TDRD12: variants seen among roughly 807,000 people sequenced by gnomAD.
The protein encoded by TDRD12 is putative ATP-dependent RNA helicase TDRD12.
In TDRD12, 158 loss-of-function variants were observed where a neutral mutation model predicts 133.5. That is an observed-to-expected ratio of 1.18 (90% CI 1.04 to 1.35). The LOEUF is 1.35. Ranked by LOEUF, TDRD12 falls within the 40% of genes most tolerant of loss-of-function variation. The pLI, the probability that TDRD12 is intolerant of heterozygous loss-of-function variation, is 0.00. For missense variants in TDRD12, 1,443 were observed against 1,321.3 expected, an observed-to-expected ratio of 1.09 and a Z score of -1.43; for synonymous variants, 460 against 477.9, an observed-to-expected ratio of 0.96 and a Z score of 0.49.
intron 11 of TDRD12, among the ~76,000 whole-genome samples, chr19:32,780,275 G>A (rs1055784561): frequency 1.3e-5 from 2 of 151,900 alleles, no homozygotes; most frequent in Non-Finnish European, 2.9e-5. Context: ...TAATAGAGAC[G>A]GGGTTTCGCC....
chr19:32,785,691 T>C (rs1476211910), intron 11 of TDRD12, among the ~76,000 whole-genome samples: 1 of 152,176 alleles, frequency 6.6e-6, no homozygotes, highest in Non-Finnish European at 1.5e-5. Flanking sequence ...ATGGCCTTCT[T>C]TATGTCTTTT....
At chr19:32,756,409 A>G (rs1313289042) in intron 7 of TDRD12, among the ~76,000 whole-genome samples, 1 of 151,546 alleles carries the variant, frequency 6.6e-6, no homozygotes, top group Non-Finnish European at 1.5e-5. Context: ...TTTTTTTGAG[A>G]CGGAGTCTCG....
intron 10 of TDRD12, among the ~76,000 whole-genome samples, chr19:32,775,658 CTTGTTT>C (rs1324925198): frequency 6.6e-6 from 1 of 151,450 alleles, no homozygotes; most frequent in Non-Finnish European, 1.5e-5. Context: ...TAAAATTTTC[CTTGTTT>C]TTTTTTTTCA....
intron 26 of TDRD12, 46 bp from the exon 27 acceptor site, chr19:32,818,043 G>A (rs1485285113): frequency 1.4e-6 from 1 of 702,176 alleles, no homozygotes; most frequent in East Asian, 2.7e-5. Flanking sequence ...AGGCTCCACA[G>A]ATGCACATGA....
chr19:32,769,630 A>G (rs1033529168), intron 8 of TDRD12, among the ~76,000 whole-genome samples: 12 of 148,410 alleles, frequency 8.1e-5, no homozygotes, highest in Non-Finnish European at 1.5e-4. Flanking sequence ...AGTCACATAC[A>G]TTAATTGTGA....
chr19:32,771,352 A>AT (rs1970438180), intron 8 of TDRD12, among the ~76,000 whole-genome samples: 1 of 151,968 alleles, frequency 6.6e-6, no homozygotes, highest in Non-Finnish European at 1.5e-5. Context: ...CATATCCAGG[A>AT]TTTCACCATG....
At chr19:32,761,947 G>C (rs574181084) in intron 8 of TDRD12, among the ~76,000 whole-genome samples, 1 of 152,022 alleles carries the variant, frequency 6.6e-6, no homozygotes, top group Non-Finnish European at 1.5e-5. Context: ...CAAATGATCC[G>C]ACTGCCTCGG....
At chr19:32,802,602 A>G (rs1971430819) in intron 19 of TDRD12, 54 bp from the exon 20 acceptor site, 1 of 1,514,100 alleles carries the variant, frequency 6.6e-7, no homozygotes, top group African/African-American at 1.4e-5. Flanking sequence ...CTGCCGGTTA[A>G]AGTAAGTGCG....
chr19:32,806,745 C>T (rs370122628), intron 21 of TDRD12, among the ~76,000 whole-genome samples: 4 of 152,132 alleles, frequency 2.6e-5, no homozygotes, highest in Non-Finnish European at 4.4e-5. Context: ...GCAACCTCTG[C>T]GTCCTGGGTT....
At chr19:32,770,052 G>T (rs1970404358) in intron 8 of TDRD12, among the ~76,000 whole-genome samples, 1 of 151,266 alleles carries the variant, frequency 6.6e-6, no homozygotes, top group Non-Finnish European at 1.5e-5. Context: ...GAGTGCAGTG[G>T]CTCACTGCAG....
intron 11 of TDRD12, among the ~76,000 whole-genome samples, chr19:32,783,391 G>A (rs187529986): frequency 3.6e-4 from 55 of 152,244 alleles, no homozygotes; most frequent in Non-Finnish European, 6.8e-4. Flanking sequence ...TTGAAGTCAG[G>A]TAGCGTGATG....
chr19:32,722,713 TC>T (rs1384319776), intron 1 of TDRD12, among the ~76,000 whole-genome samples: 2 of 150,272 alleles, frequency 1.3e-5, no homozygotes, highest in Non-Finnish European at 3.0e-5. Flanking sequence ...GGCGTCTCGC[TC>T]TGTTGCCCAG....
chr19:32,821,341 C>A, downstream of TDRD12: 1 of 590,404 alleles, frequency 1.7e-6, no homozygotes, highest in Non-Finnish European at 3.0e-6. Context: ...CAGTGATGCG[C>A]ACAGATGTTA....
In TDRD12 at chr19:32,732,090, G is replaced by A. The variant is rs144868050; in HGVS notation, c.183+207G>A. Among the ~76,000 whole-genome samples the A allele has an allele frequency of 4.1e-4, 63 of 152,222 alleles. 1 individual carries two copies. The East Asian group carries it at 0.011, about 27-fold the overall frequency. On this transcript the variant is annotated intron_variant, in intron 2 of 27. Transcript: ENST00000444215. ...ACCATCTGGGCTCACCGCAACCTCC[G>A]TGTCTCGGGTTCAAGCACTTCTTCT...
chr19:32,782,596 A>G (rs961827320), intron 11 of TDRD12, among the ~76,000 whole-genome samples: 1 of 152,178 alleles, frequency 6.6e-6, no homozygotes, highest in South Asian at 2.1e-4. Flanking sequence ...GTATAAAAGC[A>G]TTCCTGTTTT....
chr19:32,739,926 C>T (rs1169532207), intron 3 of TDRD12, among the ~76,000 whole-genome samples: 11 of 140,414 alleles, frequency 7.8e-5, no homozygotes, highest in African/African-American at 3.0e-4. Flanking sequence ...GTACTCTCTG[C>T]ATCTCCTGGG....
At chr19:32,820,888 C>G in intron 27 of TDRD12, 145 bp from the exon 28 acceptor site, 2 of 620,692 alleles carry the variant, frequency 3.2e-6, no homozygotes, top group East Asian at 2.7e-5. Flanking sequence ...GATGGGCTGC[C>G]TGGGGCATCT....
chr19:32,731,526 C>T (rs1478375587), intron 1 of TDRD12, among the ~76,000 whole-genome samples, 199 bp from the exon 2 acceptor site: 3 of 152,100 alleles, frequency 2.0e-5, no homozygotes, highest in African/African-American at 7.2e-5. Context: ...ATTTGAGTCA[C>T]AACACATAAT....
intron 2 of TDRD12, among the ~76,000 whole-genome samples, chr19:32,734,391 A>G (rs1236097881): frequency 6.8e-6 from 1 of 147,690 alleles, no homozygotes; most frequent in Non-Finnish European, 1.5e-5. Flanking sequence ...TTTTTTGAAG[A>G]TGGGGGTCTC....
Sources: allele counts gnomAD v4.1 joint callset (sites outside exome capture counted in the v4.1 genomes callset), GRCh38; gene constraint gnomAD v4.1.1; transcripts MANE v1.5; gene names NCBI Gene and HGNC (gene_info 2026-07-23, HGNC 2026-07-21).